Variants in SLC5A4 observed in about 807,000 individuals in gnomAD.
The protein encoded by SLC5A4 is probable glucose sensor protein SLC5A4.
Under a neutral mutation model 70.3 loss-of-function variants are expected in SLC5A4, and 55 were observed. The observed-to-expected ratio is 0.78, with a 90% confidence interval of 0.63 to 0.98. The LOEUF (loss-of-function observed/expected upper bound fraction) is 0.98, where lower values mean the gene tolerates loss of function less well. SLC5A4 is among the 50% of genes least tolerant of loss of function. The pLI, the probability that SLC5A4 is intolerant of heterozygous loss-of-function variation, is 0.00. For synonymous variants in SLC5A4, 268 were observed against 305.7 expected, an observed-to-expected ratio of 0.88 and a Z score of 1.29; for missense variants, 735 against 839.2, an observed-to-expected ratio of 0.88 and a Z score of 1.53.
chr22:32,234,926 C>T lies in SLC5A4; in HGVS notation c.832G>A (p.Gly278Arg). 6.2e-7 allele frequency: 1 copy of T among 1,613,050 alleles called. No individual in the cohort carries two copies. Among genetic ancestry groups the T allele is most frequent in the Non-Finnish European group, 8.5e-7 (1 of 1,180,020 alleles). Residue 278 changes from glycine to arginine, a missense_variant, in exon 8 of 15, where the codon GGA (glycine) becomes AGA (arginine). Transcript: ENST00000266086. ...GTAATGGGCATTCCAAATATAATTCCTGGCCATGGAATGTCCCCAGTCACA... is the reference window on the plus strand; with the variant it reads ...GTAATGGGCATTCCAAATATAATTCTTGGCCATGGAATGTCCCCAGTCACA... ...DAVTGDIPWP[G>R]IIFGMPITAL...
chr22:32,221,074 A>G, intron 13 of SLC5A4, 52 bp from the exon 14 acceptor site: 1 of 1,159,558 alleles, frequency 8.6e-7, no homozygotes, highest in Non-Finnish European at 1.3e-6. Flanking sequence ...TGTTTGCAAT[A>G]GTATAATAGA....
chr22:32,271,429 C>A, the SLC5A4 span: 1 of 771,934 alleles, frequency 1.3e-6, no homozygotes, highest in Non-Finnish European at 2.3e-6. Flanking sequence ...ATCTACAAGG[C>A]CTTCCCCCAC....
chr22:32,350,060 G>A, the SLC5A4 span, among the ~76,000 whole-genome samples: 8 of 152,062 alleles, frequency 5.3e-5, no homozygotes, highest in Non-Finnish European at 1.0e-4. Context: ...GGACCTGTCT[G>A]CTTACACTTC....
chr22:32,349,015 C>T, the SLC5A4 span, among the ~76,000 whole-genome samples: 3 of 152,230 alleles, frequency 2.0e-5, no homozygotes, highest in South Asian at 2.1e-4. Flanking sequence ...CTTGCTCTGT[C>T]GCCAGGCTGG....
chr22:32,259,279 T>G (rs537561214), upstream of SLC5A4, among the ~76,000 whole-genome samples: 108 of 152,382 alleles, frequency 7.1e-4, no homozygotes, highest in African/African-American at 2.5e-3. Context: ...ATGGTCTAGA[T>G]CATAATCTCA....
the SLC5A4 span, among the ~76,000 whole-genome samples, chr22:32,349,940 G>A: frequency 2.0e-5 from 3 of 151,832 alleles, no homozygotes; most frequent in Non-Finnish European, 2.9e-5. Context: ...CTTCTTATCC[G>A]CAACTTTCTT....
chr22:32,248,841 G>A (rs1290512622), intron 3 of SLC5A4, 39 bp from the exon 4 acceptor site: 2 of 1,436,250 alleles, frequency 1.4e-6, no homozygotes, highest in Non-Finnish European at 2.0e-6. Context: ...AGACATTAAA[G>A]AGGCTTGGCT....
the SLC5A4 span, among the ~76,000 whole-genome samples, chr22:32,335,851 G>C: frequency 6.6e-6 from 1 of 152,130 alleles, no homozygotes; most frequent in Non-Finnish European, 1.5e-5. Flanking sequence ...CAGGAAGTCC[G>C]ATCTGGACGG....
the SLC5A4 span, among the ~76,000 whole-genome samples, chr22:32,332,868 T>G: frequency 3.8e-3 from 576 of 152,320 alleles, 4 homozygotes; most frequent in African/African-American, 0.013. Flanking sequence ...GCTGTCCTTT[T>G]CATCGGCAGC....
the SLC5A4 span, among the ~76,000 whole-genome samples, chr22:32,331,852 G>A: frequency 3.9e-5 from 6 of 152,086 alleles, no homozygotes; most frequent in Non-Finnish European, 7.4e-5. Flanking sequence ...CCTGCCACGG[G>A]TGGGGGCTGC....
chr22:32,352,176 C>T, the SLC5A4 span, among the ~76,000 whole-genome samples: 1 of 149,156 alleles, frequency 6.7e-6, no homozygotes, highest in African/African-American at 2.5e-5. Flanking sequence ...GACAAAAAAC[C>T]AAACATCGTT....
the SLC5A4 span, among the ~76,000 whole-genome samples, chr22:32,292,570 A>C: frequency 0.48 from 72,462 of 150,194 alleles, 17,599 homozygotes; most frequent in Admixed American, 0.51. Context: ...GACTTCCCAG[A>C]CTTCAGGACT....
chr22:32,322,122 G>C, the SLC5A4 span, among the ~76,000 whole-genome samples: 1 of 152,196 alleles, frequency 6.6e-6, no homozygotes, highest in Non-Finnish European at 1.5e-5. Context: ...GGTGTGACCA[G>C]CTCAACATTC....
chr22:32,319,463 T>C, the SLC5A4 span, among the ~76,000 whole-genome samples: 5 of 152,228 alleles, frequency 3.3e-5, no homozygotes, highest in Non-Finnish European at 7.3e-5. Context: ...CTCCTGGGTC[T>C]CAGGCCCTCG....
the SLC5A4 span, among the ~76,000 whole-genome samples, chr22:32,275,766 A>G: frequency 1.3e-5 from 2 of 152,242 alleles, no homozygotes; most frequent in African/African-American, 2.4e-5. Flanking sequence ...TGGATTTTCT[A>G]GTTTAGATCC....
the SLC5A4 span, chr22:32,269,362 G>T: frequency 2.5e-6 from 1 of 392,662 alleles, no homozygotes. This position sits in a 1 kb window ranked among gnomAD's most constrained non-coding sequence, Gnocchi z 4.1. Flanking sequence ...CATAGGAGTG[G>T]GCTGGCCTGT....
intron 1 of SLC5A4, 77 bp from the exon 2 acceptor site, chr22:32,254,290 G>A: frequency 9.8e-7 from 1 of 1,023,596 alleles, no homozygotes; most frequent in Non-Finnish European, 1.6e-6. Context: ...TGGCCAGGGT[G>A]CTGAGAGGGG....
chr22:32,221,096 G>C (rs1925053882), intron 13 of SLC5A4, 74 bp from the exon 14 acceptor site: 1 of 982,218 alleles, frequency 1.0e-6, no homozygotes, highest in South Asian at 1.3e-5. Context: ...TGGTACCTTT[G>C]TTTATCGTCT....
upstream of SLC5A4, among the ~76,000 whole-genome samples, chr22:32,256,740 A>G (rs1172858876): frequency 6.6e-6 from 1 of 152,212 alleles, no homozygotes; most frequent in Non-Finnish European, 1.5e-5. Flanking sequence ...TGTAGCATGT[A>G]TCAGAATTTC....
Sources: allele counts gnomAD v4.1 joint callset (sites outside exome capture counted in the v4.1 genomes callset), GRCh38; gene constraint gnomAD v4.1.1; non-coding constraint Gnocchi (gnomAD v3.1); transcripts MANE v1.5; gene names NCBI Gene and HGNC (gene_info 2026-07-23, HGNC 2026-07-21).